The following THRAP3 variants were observed in gnomAD, a reference collection of about 807,000 sequenced individuals.
THRAP3 encodes thyroid hormone receptor associated protein 3, also known as thyroid hormone receptor-associated protein 3.
In THRAP3, 16 loss-of-function variants were observed where a neutral mutation model predicts 101.0. The observed-to-expected ratio is 0.16, with a 90% confidence interval of 0.11 to 0.24. THRAP3 has a LOEUF of 0.24. THRAP3 is among the 10% of genes least tolerant of loss of function. The pLI, the probability that THRAP3 is intolerant of heterozygous loss-of-function variation, is 1.00. For synonymous variants in THRAP3, 407 were observed against 422.6 expected, an observed-to-expected ratio of 0.96 and a Z score of 0.45; for missense variants, 989 against 1,202.7, an observed-to-expected ratio of 0.82 and a Z score of 2.63.
At chr1:36,282,420 T>C (rs1318991325) in intron 2 of THRAP3, 113 bp from the exon 3 acceptor site, 5 of 707,600 alleles carry the variant, frequency 7.1e-6, no homozygotes, top group East Asian at 2.9e-5. Flanking sequence ...TTTGTAGATA[T>C]GGGGTCTTCT....
At chr1:36,296,792 C>G (rs777523410) in intron 9 of THRAP3, 22 bp downstream of exon 9, 1 of 1,550,262 alleles carries the variant, frequency 6.5e-7, no homozygotes, top group East Asian at 2.3e-5. Flanking sequence ...CCTGTTACCC[C>G]TTCCAGACTC....
chr1:36,216,346 C>A, the THRAP3 span, among the ~76,000 whole-genome samples: 6 of 150,926 alleles, frequency 4.0e-5, no homozygotes, highest in African/African-American at 1.5e-4. Flanking sequence ...ATGGTGAAAC[C>A]CCGTCTGTAC....
rs1379428766 is a variant in THRAP3, at chr1:36,282,690, C to T, written c.127C>T (p.Arg43Cys). ...RSRSLSRSRK[R>C]RLSSRSRSRS... The stretch of plus-strand genomic sequence containing the variant: ...CCGATCTCTCTCTCGTTCAAGGAAG[C>T]GCAGGCTGAGGTAAGGGGGTGTGAC... Residue 43 changes from arginine (R) to cysteine (C), a missense_variant, in exon 3 of 12, where the codon CGC becomes TGC. Arg to Cys is a radical substitution (Grantham distance 180). Transcript: ENST00000354618. 5.0e-6 allele frequency: 8 copies of T among 1,614,068 alleles called. No homozygotes were observed. Among genetic ancestry groups the T allele is most frequent in the East Asian group, 4.5e-5 (2 of 44,870 alleles).
chr1:36,289,046 G>A lies in THRAP3; in HGVS notation c.1041-14G>A, dbSNP rs1241540121. The A allele has an allele frequency of 6.4e-7, 1 of 1,552,338 alleles. No individual in the cohort carries two copies. The highest frequency in any genetic ancestry group is 8.7e-7 in the Non-Finnish European group (1 of 1,153,692). On this transcript the variant is annotated splice_polypyrimidine_tract_variant and intron_variant, in intron 4 of 11. Coordinates refer to ENST00000354618, the MANE Select transcript of THRAP3 (RefSeq NM_005119.4). ...GAAGCCTCTTGTGTCTCTCTCTTGTGTTTTTATAAATAGGTATCTAGAAGA... is the reference window on the plus strand; with the variant it reads ...GAAGCCTCTTGTGTCTCTCTCTTGTATTTTTATAAATAGGTATCTAGAAGA...
Position 36,291,398 on chromosome 1 carries a change from A to G in THRAP3, c.1770A>G (p.Glu590=). ...GACCCAGTGGCTTATTGGCTCAGGA[A>G]CGCAAGCTTTGCCGAGATCTAGTCC... ...LARPSGLLAQ[E]RKLCRDLVHS... The change falls in exon 6 of 12, where the codon GAA becomes GAG. Residue 590 remains glutamate, a synonymous_variant. Transcript: ENST00000354618. The G allele has an allele frequency of 6.2e-7, 1 of 1,614,014 alleles. No homozygotes were observed. The highest frequency in any genetic ancestry group is 2.2e-5 in the East Asian group (1 of 44,884).
chr1:36,228,032 C>T (rs1644981856), intron 1 of THRAP3, among the ~76,000 whole-genome samples: 1 of 148,254 alleles, frequency 6.7e-6, no homozygotes, highest in Non-Finnish European at 1.5e-5. Flanking sequence ...CCCGCCACCA[C>T]ACGTGGCCTC....
rs891903981 is a variant in THRAP3, at chr1:36,289,603, A to C, written c.1584A>C (p.Ala528=). 4 of 1,614,076 alleles carry C rather than the reference A, an allele frequency of 2.5e-6. No individual in the cohort carries two copies. Among genetic ancestry groups the C allele is most frequent in the Admixed American group, 3.3e-5 (2 of 60,008 alleles). Residue 528 remains alanine (A), a synonymous_variant, in exon 5 of 12, where the codon GCA becomes GCC. Coordinates refer to ENST00000354618, the MANE Select transcript of THRAP3 (RefSeq NM_005119.4). ...ATTTCCGAGTGACTGCTTATAAAGCAGTCCAGGAGAAAAGCTCATCACCTC... is the reference window on the plus strand; with the variant it reads ...ATTTCCGAGTGACTGCTTATAAAGCCGTCCAGGAGAAAAGCTCATCACCTC... The part of the protein sequence containing the change: ...EKNFRVTAYK[A]VQEKSSSPPP...
At position 36,286,032 on chromosome 1, in the gene THRAP3, T is replaced by G. The variant is rs141355047; in HGVS notation, c.138-336T>G. ...TCCCCGTGCCTGTGAAACTGTAAGC[T>G]ATTATTATGGTATATTAAAATGGTC... is the stretch of plus-strand genomic sequence containing the variant. On this transcript the variant is annotated intron_variant, in intron 3 of 11. Transcript: ENST00000354618. This position sits in a 1 kb window ranked among gnomAD's most constrained non-coding sequence, Gnocchi z 5.5. Among the ~76,000 whole-genome samples, 388 of 152,326 alleles carry G rather than the reference T, an allele frequency of 2.5e-3. 3 individuals are homozygous for G. Among genetic ancestry groups the G allele is most frequent in the African/African-American group, 9.1e-3 (378 of 41,568 alleles).
rs1425826673 is a variant in THRAP3 at position 36,243,966 on chromosome 1, G to A, written c.-134-15416G>A. On this transcript the variant is annotated intron_variant, in intron 1 of 11. Coordinates refer to ENST00000354618, the MANE Select transcript of THRAP3 (RefSeq NM_005119.4). Reference sequence around the variant, plus strand: ...CTCCCGGATGGGGCGGCTGGCGGGCGGGGGGCTGAACCCCCCACCTCCCTC... The same window carrying A: ...CTCCCGGATGGGGCGGCTGGCGGGCAGGGGGCTGAACCCCCCACCTCCCTC... Among the ~76,000 whole-genome samples, 15 of 123,128 alleles carry A rather than the reference G, an allele frequency of 1.2e-4. 3 individuals carry two copies. Among genetic ancestry groups the A allele is most frequent in the East Asian group, 1.1e-3 (4 of 3,802 alleles). The allele number at this position is 123,128 out of a possible 152,430, so 80.8% of individuals were successfully genotyped here. A position where few individuals can be genotyped will look rare whatever the true frequency, so the allele number is the denominator to read the frequency against.
intron 2 of THRAP3, among the ~76,000 whole-genome samples, chr1:36,267,978 A>G (rs148449705): frequency 0.015 from 154 of 9,938 alleles, 58 homozygotes; most frequent in East Asian, 0.13. Flanking sequence ...CCAGGAGTTC[A>G]AGACCAGCCT....
intron 1 of THRAP3, among the ~76,000 whole-genome samples, chr1:36,254,043 C>T (rs1645343263): frequency 6.6e-6 from 1 of 152,084 alleles, no homozygotes; most frequent in Non-Finnish European, 1.5e-5. Flanking sequence ...CAGCCCTGAG[C>T]TTTTCAAGAA....
rs1271156864 is a variant in THRAP3, at chr1:36,280,874, A to G, written c.-31-1659A>G. 6.6e-5 allele frequency among the ~76,000 whole-genome samples: 10 copies of G among 150,586 alleles called. No homozygotes were observed. In the East Asian group the frequency reaches 7.8e-4, roughly 12 times the overall value. The stretch of plus-strand genomic sequence containing the variant: ...GGAGGGGGAAAAAAGGAAAAAGACT[A>G]TTTGTTTCTTGGTGGGAAAATGACC... On this transcript the variant is annotated intron_variant, in intron 2 of 11. Coordinates refer to ENST00000354618, the MANE Select transcript of THRAP3 (RefSeq NM_005119.4).
intron 1 of THRAP3, among the ~76,000 whole-genome samples, chr1:36,226,551 G>C (rs1031612650): frequency 6.6e-6 from 1 of 152,148 alleles, no homozygotes; most frequent in Admixed American, 6.5e-5. Context: ...AAGCCACCGC[G>C]CCCGGCCACG....
the THRAP3 span, among the ~76,000 whole-genome samples, chr1:36,218,370 A>C: frequency 2.7e-3 from 392 of 146,156 alleles, 3 homozygotes; most frequent in East Asian, 0.028. Context: ...AGCAGAGATC[A>C]CATCACTGCA....
chr1:36,290,022 C>A (rs1461987648), intron 5 of THRAP3, among the ~76,000 whole-genome samples: 1 of 152,140 alleles, frequency 6.6e-6, no homozygotes, highest in African/African-American at 2.4e-5. Context: ...CATCACTGCA[C>A]CCCCAAGTCC....
chr1:36,210,525 C>T, the THRAP3 span, among the ~76,000 whole-genome samples: 1 of 145,950 alleles, frequency 6.9e-6, no homozygotes, highest in Non-Finnish European at 1.5e-5. Flanking sequence ...CCTGTCTCTA[C>T]TAAAAATACA....
At chr1:36,249,681 G>GGTGTGTGT (rs1160103598) in intron 1 of THRAP3, among the ~76,000 whole-genome samples, 2 of 41,052 alleles carry the variant, frequency 4.9e-5, no homozygotes, top group Non-Finnish European at 1.4e-4. Context: ...CGAAGCAGGT[G>GGTGTGTGT]GTGAGTGTGT....
chr1:36,269,440 C>T (rs1253095670), intron 2 of THRAP3, among the ~76,000 whole-genome samples: 1 of 152,098 alleles, frequency 6.6e-6, no homozygotes, highest in African/African-American at 2.4e-5. Flanking sequence ...ATGGAAGAGC[C>T]TCCACTGGGA....
At chr1:36,283,773 A>AT (rs1045029910) in intron 3 of THRAP3, among the ~76,000 whole-genome samples, 36 of 152,316 alleles carry the variant, frequency 2.4e-4, no homozygotes, top group African/African-American at 8.7e-4. Flanking sequence ...ACTCTTGATG[A>AT]TTTCCAGAGC....
Sources: allele counts gnomAD v4.1 joint callset (sites outside exome capture counted in the v4.1 genomes callset), GRCh38; gene constraint gnomAD v4.1.1; non-coding constraint Gnocchi (gnomAD v3.1); transcripts MANE v1.5; gene names NCBI Gene and HGNC (gene_info 2026-07-23, HGNC 2026-07-21).